The following TBCD variants were observed in gnomAD, a reference collection of about 807,000 sequenced individuals.
The protein encoded by TBCD is tubulin-specific chaperone D.
In TBCD, 105 loss-of-function variants were observed where a neutral mutation model predicts 169.3. The observed-to-expected ratio is 0.62, with a 90% confidence interval of 0.53 to 0.73. The LOEUF is 0.73. Ranked by LOEUF, TBCD falls within the 30% of genes least tolerant of loss-of-function variation. The probability of loss-of-function intolerance (pLI) is 0.00; values close to 1 mark genes in which losing one functional copy is unlikely to be tolerated. For missense variants in TBCD, 1,444 were observed against 1,600.1 expected (o/e 0.90, Z 1.66); for synonymous variants, 700 against 643.9 (o/e 1.09, Z -1.32).
In TBCD at chr17:82,831,524, A is replaced by G. The variant is rs2053509692; in HGVS notation, c.1318+16590A>G. 1 of 1,614,110 alleles carries G rather than the reference A, an allele frequency of 6.2e-7. No individual in the cohort carries two copies. Among genetic ancestry groups the G allele is most frequent in the Non-Finnish European group, 8.5e-7 (1 of 1,180,014 alleles). On this transcript the variant is annotated intron_variant, in intron 13 of 38. Coordinates refer to ENST00000355528, the MANE Select transcript of TBCD (RefSeq NM_005993.5). This position sits in a 1 kb window ranked among gnomAD's most constrained non-coding sequence, Gnocchi z 4.6. Reference sequence around the variant, plus strand: ...TAAGGAATCGGCAGGTTAGAGGGATATTGCTGGAAAAACCTGTAGTGATCG... The same window carrying G: ...TAAGGAATCGGCAGGTTAGAGGGATGTTGCTGGAAAAACCTGTAGTGATCG...
chr17:82,898,225 T>C (rs2146578510), intron 17 of TBCD, among the ~76,000 whole-genome samples: 1 of 108,440 alleles, frequency 9.2e-6, no homozygotes, highest in South Asian at 3.8e-4. Flanking sequence ...CTCTGGGTTT[T>C]GGTGGGAGCA....
rs2060886843 is a variant in TBCD, at chr17:82,914,485, G to A, written c.2038+2696G>A. On this transcript the variant is annotated intron_variant, in intron 23 of 38. Coordinates refer to ENST00000355528, the MANE Select transcript of TBCD (RefSeq NM_005993.5). Reference sequence around the variant, plus strand: ...GGGCCCCCTGCCGGCCTCCAGCTGTGTCTGCACCATGAGTGTGTTTGCTGG... The same window carrying A: ...GGGCCCCCTGCCGGCCTCCAGCTGTATCTGCACCATGAGTGTGTTTGCTGG... 3.3e-5 allele frequency among the ~76,000 whole-genome samples: 5 copies of A among 152,266 alleles called. No homozygotes were observed. In the South Asian group the frequency reaches 8.3e-4, roughly 25 times the overall value.
intron 13 of TBCD, among the ~76,000 whole-genome samples, chr17:82,827,411 G>A (rs2052951830): frequency 6.6e-6 from 1 of 152,196 alleles, no homozygotes; most frequent in South Asian, 2.1e-4. Context: ...CATGGGGATG[G>A]AGAAACCCTT....
In TBCD at chr17:82,924,999, G is replaced by C; in HGVS notation, c.2321G>C (p.Gly774Ala). Residue 774 changes from glycine to alanine, a missense_variant, in exon 27 of 39, where the codon GGC becomes GCC. Transcript: ENST00000355528. ...AACCCCGAGGAGATGACTCGCTGTG[G>C]CTTCTCGTTGGCCTTGGGCGCCCTT... is the stretch of plus-strand genomic sequence containing the variant. ...LRNPEEMTRCGFSLALGALPG... is the reference protein window; with the variant it reads ...LRNPEEMTRCAFSLALGALPG... 1 of 1,574,852 alleles carries C rather than the reference G, an allele frequency of 6.3e-7. No individual in the cohort carries two copies. Among genetic ancestry groups the C allele is most frequent in the Non-Finnish European group, 8.6e-7 (1 of 1,159,074 alleles).
chr17:82,937,907 C>T lies in TBCD; in HGVS notation c.3282-142C>T, dbSNP rs773277712. 2.0e-6 allele frequency: 3 copies of T among 1,531,476 alleles called. No homozygotes were observed. The African/African-American group carries it at 4.1e-5, about 21-fold the overall frequency. The allele number at this position is 1,531,476 out of a possible 1,614,324, so 94.9% of individuals were successfully genotyped here. A position where few individuals can be genotyped will look rare whatever the true frequency, so the allele number is the denominator to read the frequency against. On this transcript the variant is annotated intron_variant, in intron 35 of 38. Coordinates refer to ENST00000355528, the MANE Select transcript of TBCD (RefSeq NM_005993.5). ...AGTGCAGATGTACGCACACACACAC[C>T]TCCGGCTTGGGGCCCCAGGCCCGCA... is the stretch of plus-strand genomic sequence containing the variant.
At chr17:82,853,960 T>C (rs2056036866) in intron 13 of TBCD, among the ~76,000 whole-genome samples, 1 of 152,202 alleles carries the variant, frequency 6.6e-6, no homozygotes, top group South Asian at 2.1e-4. Context: ...ATTCCACATC[T>C]TCTTCCTTGT....
At chr17:82,811,463 C>T (rs889273563) in intron 12 of TBCD, among the ~76,000 whole-genome samples, 1 of 152,174 alleles carries the variant, frequency 6.6e-6, no homozygotes, top group African/African-American at 2.4e-5. Flanking sequence ...TTAATGTGCT[C>T]ATTCCATTTT....
At chr17:82,931,727 A>G (rs1235927612) in intron 33 of TBCD, among the ~76,000 whole-genome samples, 1 of 152,156 alleles carries the variant, frequency 6.6e-6, no homozygotes, top group African/African-American at 2.4e-5. Context: ...CCTGTGTGTT[A>G]GTCGGCCTGT....
chr17:82,850,084 TGC>T (rs2055588925), intron 13 of TBCD, among the ~76,000 whole-genome samples: 1 of 93,766 alleles, frequency 1.1e-5, no homozygotes, highest in African/African-American at 5.0e-5. Context: ...TGTGCTGTGC[TGC>T]TGTTGGCTGT....
chr17:82,794,032 C>T (rs979680239), intron 7 of TBCD, among the ~76,000 whole-genome samples: 2 of 152,226 alleles, frequency 1.3e-5, no homozygotes, highest in African/African-American at 2.4e-5. Flanking sequence ...CCGGCCGGCA[C>T]TCACAGCTTC....
In TBCD at chr17:82,752,181, C is replaced by A. The variant is rs1162055642; in HGVS notation, c.-13C>A. ...AACACGTGAGGCGGGGGCGCGGTCC[C>A]CAGGCTGCCGAGATGGCCCTGAGCG... On this transcript the variant is annotated 5_prime_UTR_variant, in exon 1 of 39. Transcript: ENST00000355528. 6.6e-7 allele frequency: 1 copy of A among 1,510,002 alleles called. No homozygotes were observed. The highest frequency in any genetic ancestry group is 8.8e-7 in the Non-Finnish European group (1 of 1,131,890). 93.5% of individuals were successfully genotyped at this position (1,510,002 alleles called of 1,614,324 possible). A position where few individuals can be genotyped will look rare whatever the true frequency, so the allele number is the denominator to read the frequency against.
intron 1 of TBCD, among the ~76,000 whole-genome samples, chr17:82,753,180 T>G (rs1372664233): frequency 6.6e-6 from 1 of 152,174 alleles, no homozygotes; most frequent in Non-Finnish European, 1.5e-5. Context: ...GCCTTCCTCA[T>G]TTTAGAATGA....
At position 82,874,710 on chromosome 17, in the gene TBCD, G is replaced by A. The variant is rs1245846202; in HGVS notation, c.1475+4330G>A. Among the ~76,000 whole-genome samples, 1 of 152,238 alleles carries A rather than the reference G, an allele frequency of 6.6e-6. No individual in the cohort carries two copies. The highest frequency in any genetic ancestry group is 2.4e-5 in the African/African-American group (1 of 41,462). Reference sequence around the variant, plus strand: ...CGGGCTGTGAGTCAGGCTGCACCAGGTGAGCGTGTGGGATGCTGCTGGTGC... The same window carrying A: ...CGGGCTGTGAGTCAGGCTGCACCAGATGAGCGTGTGGGATGCTGCTGGTGC... On this transcript the variant is annotated intron_variant, in intron 14 of 38. Coordinates refer to ENST00000355528, the MANE Select transcript of TBCD (RefSeq NM_005993.5). The surrounding 1 kb of genome is among the most constrained non-coding windows in gnomAD (Gnocchi z 5.0).
At chr17:82,816,636 C>T (rs12603804) in intron 13 of TBCD, among the ~76,000 whole-genome samples, 1 of 151,846 alleles carries the variant, frequency 6.6e-6, no homozygotes, top group African/African-American at 2.4e-5. Context: ...CAGGACCAGG[C>T]GATCCTCTCA....
intron 7 of TBCD, among the ~76,000 whole-genome samples, chr17:82,790,161 C>G (rs908285829): frequency 7.2e-5 from 11 of 152,192 alleles, no homozygotes; most frequent in African/African-American, 2.7e-4. Flanking sequence ...GGAGCCATTT[C>G]CTTCTGTGAA....
In TBCD at chr17:82,774,213, T is replaced by G. The variant is rs528465661; in HGVS notation, c.638+1706T>G. On this transcript the variant is annotated intron_variant, in intron 6 of 38. Transcript: ENST00000355528. ...GACCCTGCGGCCTTCCGCAGTGTTT[T>G]TGTCCCTGGGTACTTGAGATCAGGG... Among the ~76,000 whole-genome samples the G allele has an allele frequency of 1.0e-2, 1,519 of 152,204 alleles. 21 individuals are homozygous for G. Among genetic ancestry groups the G allele is most frequent in the African/African-American group, 0.035 (1,441 of 41,496 alleles).
rs1228656075 is a variant in TBCD at position 82,884,207 on chromosome 17, G to A, written c.1533+5G>A. 11 of 1,603,400 alleles carry A rather than the reference G, an allele frequency of 6.9e-6. No homozygotes were observed. The highest frequency in any genetic ancestry group is 6.8e-6 in the Non-Finnish European group (8 of 1,174,324). On this transcript the variant is annotated splice_donor_5th_base_variant and intron_variant, in intron 15 of 38. Transcript: ENST00000355528. This position sits in a 1 kb window ranked among gnomAD's most constrained non-coding sequence, Gnocchi z 4.2. The stretch of plus-strand genomic sequence containing the variant: ...AACTGCAGAAGAGCAGCCTCTGTAA[G>A]TTTTCTCATTTTGATATTTCCTTTC...
chr17:82,908,464 G>A, intron 21 of TBCD: 1 of 434,294 alleles, frequency 2.3e-6, no homozygotes, highest in Non-Finnish European at 4.6e-6. Flanking sequence ...GGATCTTGGT[G>A]TTACAGGAGA....
rs373747821 is a variant in TBCD at position 82,855,993 on chromosome 17, C to CCTTTTTTTTTT, written c.1319-14231_1319-14230insCTTTTTTTTTT. 1.5e-4 allele frequency among the ~76,000 whole-genome samples: 10 copies of CCTTTTTTTTTT among 66,274 alleles called. 2 individuals are homozygous for CCTTTTTTTTTT. The highest frequency in any genetic ancestry group is 7.0e-4 in the African/African-American group (10 of 14,256). 43.5% of individuals were successfully genotyped at this position (66,274 alleles called of 152,430 possible). ...TTTGTATGGGTAGACTCCCCCCCCA[C>CCTTTTTTTTTT]TTTTTTTTTTTTTTTTTTTTTTTTT... On this transcript the variant is annotated intron_variant, in intron 13 of 38. Coordinates refer to ENST00000355528, the MANE Select transcript of TBCD (RefSeq NM_005993.5).
Sources: gnomAD v4.1 joint callset for allele counts (sites outside exome capture counted in the v4.1 genomes callset) on GRCh38, gnomAD v4.1.1 for gene constraint, Gnocchi (gnomAD v3.1) non-coding constraint, MANE v1.5 for transcripts, NCBI Gene and HGNC (gene_info 2026-07-23, HGNC 2026-07-21) for gene names.